Variants in R3HDM4 observed in about 807,000 individuals in gnomAD.
R3HDM4 encodes R3H domain containing 4, also known as R3H domain-containing protein 4.
Under a neutral mutation model 31.3 loss-of-function variants are expected in R3HDM4, and 30 were observed. The ratio of observed to expected loss-of-function variants is 0.96; its 90% CI spans 0.72 to 1.30. R3HDM4 has a LOEUF of 1.30. Among genes scored for constraint, R3HDM4 ranks in the 50% most tolerant of loss-of-function variants. The pLI, the probability that R3HDM4 is intolerant of heterozygous loss-of-function variation, is 0.00. For missense variants in R3HDM4, 444 were observed against 366.1 expected, an observed-to-expected ratio of 1.21 and a Z score of -1.74; for synonymous variants, 196 against 156.6, an observed-to-expected ratio of 1.25 and a Z score of -1.88.
In R3HDM4 at chr19:901,559, A is replaced by C. The variant is rs2094350124; in HGVS notation, c.227-13T>G. 2 of 1,596,588 alleles carry C rather than the reference A, an allele frequency of 1.3e-6. No homozygotes were observed. Among genetic ancestry groups the C allele is most frequent in the Admixed American group, 1.7e-5 (1 of 59,858 alleles). The stretch of plus-strand genomic sequence containing the variant: ...AGGAGGTACTGGGCTAGGTGGAAAC[A>C]GATGCTCTCTGGGCCGGGGTGGCAT... On this transcript the variant is annotated splice_polypyrimidine_tract_variant and intron_variant, in intron 2 of 7. Transcript: ENST00000361574.
chr19:904,320 C>T (rs922569922), intron 1 of R3HDM4, among the ~76,000 whole-genome samples: 1 of 152,174 alleles, frequency 6.6e-6, no homozygotes, highest in Non-Finnish European at 1.5e-5. Context: ...CCCCCACCGC[C>T]GGCACTCACA....
At chr19:905,520 A>AAC (rs1437552623) in intron 1 of R3HDM4, among the ~76,000 whole-genome samples, 2 of 147,500 alleles carry the variant, frequency 1.4e-5, no homozygotes, top group African/African-American at 5.2e-5. Context: ...AAAAAAAAAA[A>AAC]AACAAAACAA....
chr19:910,670 C>T (rs539015985), intron 1 of R3HDM4, among the ~76,000 whole-genome samples: 25 of 152,218 alleles, frequency 1.6e-4, no homozygotes, highest in Non-Finnish European at 3.1e-4. Context: ...TAGACCGAGA[C>T]TCTGTCTCCA....
rs1053112407 is a variant in R3HDM4, at chr19:899,335, A to C, written c.703+105T>G. 2.0e-5 allele frequency: 22 copies of C among 1,075,304 alleles called. No individual in the cohort carries two copies. The highest frequency in any genetic ancestry group is 2.1e-5 in the Non-Finnish European group (15 of 719,330). The allele number at this position is 1,075,304 out of a possible 1,614,324, so 66.6% of individuals were successfully genotyped here. A position where few individuals can be genotyped will look rare whatever the true frequency, so the allele number is the denominator to read the frequency against. On this transcript the variant is annotated intron_variant, in intron 7 of 7. Transcript: ENST00000361574. This position sits in a 1 kb window ranked among gnomAD's most constrained non-coding sequence, Gnocchi z 6.8. ...CGTCCCCACTCCAGCCCCCTTCCCC[A>C]CCTCCCCACCAAGCCCCACTCTGAG...
Position 897,253 on chromosome 19 carries a change from C to T in R3HDM4, c.*184G>A, listed in dbSNP as rs904411072. The T allele has an allele frequency of 5.3e-5, 29 of 542,996 alleles. No individual in the cohort carries two copies. The East Asian group carries it at 7.3e-4, about 14-fold the overall frequency. The allele number at this position is 542,996 out of a possible 1,614,324, so 33.6% of individuals were successfully genotyped here. A position where few individuals can be genotyped will look rare whatever the true frequency, so the allele number is the denominator to read the frequency against. Reference sequence around the variant, plus strand: ...TTGGAGCTGGGATGGCATGGGCAGCCCCAGCCGCCAGCGTCTGTTGACTGC... The same window carrying T: ...TTGGAGCTGGGATGGCATGGGCAGCTCCAGCCGCCAGCGTCTGTTGACTGC... On this transcript the variant is annotated 3_prime_UTR_variant, in exon 8 of 8. Coordinates refer to ENST00000361574, the MANE Select transcript of R3HDM4 (RefSeq NM_138774.4).
Position 897,375 on chromosome 19 carries a change from C to A in R3HDM4, c.*62G>T. ...CTAAAAATATGAAAGATATTTTAGC[C>A]GAAGGTATCGGAGGGCTTGATGGCT... On this transcript the variant is annotated 3_prime_UTR_variant, in exon 8 of 8. Transcript: ENST00000361574. 2 of 1,224,158 alleles carry A rather than the reference C, an allele frequency of 1.6e-6. No homozygotes were observed. Among genetic ancestry groups the A allele is most frequent in the Non-Finnish European group, 2.3e-6 (2 of 878,782 alleles). The allele number at this position is 1,224,158 out of a possible 1,614,324, so 75.8% of individuals were successfully genotyped here.
At position 899,381 on chromosome 19, in the gene R3HDM4, T is replaced by C. The variant is rs1599356220; in HGVS notation, c.703+59A>G. ...CTGAGGAACCAGGCCCCTGGGACCC[T>C]GGCCACTTTCCCAGGTTGAGCTGGC... is the stretch of plus-strand genomic sequence containing the variant. On this transcript the variant is annotated intron_variant, in intron 7 of 7. Transcript: ENST00000361574. This position sits in a 1 kb window ranked among gnomAD's most constrained non-coding sequence, Gnocchi z 6.8. The C allele has an allele frequency of 7.3e-7, 1 of 1,372,932 alleles. No homozygotes were observed. The highest frequency in any genetic ancestry group is 9.9e-7 in the Non-Finnish European group (1 of 1,008,814). The allele number at this position is 1,372,932 out of a possible 1,614,324, so 85.0% of individuals were successfully genotyped here.
In R3HDM4 at chr19:897,416, G is replaced by A. The variant is rs371083461; in HGVS notation, c.*21C>T. The A allele has an allele frequency of 2.1e-4, 330 of 1,543,970 alleles. 1 individual carries two copies. The highest frequency in any genetic ancestry group is 2.6e-4 in the South Asian group (22 of 84,920). On this transcript the variant is annotated 3_prime_UTR_variant, in exon 8 of 8. Transcript: ENST00000361574. ...CTTGATGGCTGGGCGAGGTGGCAGCGGGGTCTCCGCGGGGCCGCCATCAGC... is the reference window on the plus strand; with the variant it reads ...CTTGATGGCTGGGCGAGGTGGCAGCAGGGTCTCCGCGGGGCCGCCATCAGC...
chr19:902,442 A>G (rs962466356), intron 1 of R3HDM4: 2 of 216,152 alleles, frequency 9.3e-6, no homozygotes, highest in African/African-American at 4.6e-5. Context: ...AGACTATGAA[A>G]AAAAAAAAAG....
At position 897,388 on chromosome 19, in the gene R3HDM4, G is replaced by A. The variant is rs370756389; in HGVS notation, c.*49C>T. On this transcript the variant is annotated 3_prime_UTR_variant, in exon 8 of 8. Transcript: ENST00000361574. Reference sequence around the variant, plus strand: ...AGATATTTTAGCCGAAGGTATCGGAGGGCTTGATGGCTGGGCGAGGTGGCA... The same window carrying A: ...AGATATTTTAGCCGAAGGTATCGGAAGGCTTGATGGCTGGGCGAGGTGGCA... The A allele has an allele frequency of 1.5e-6, 2 of 1,367,820 alleles. No individual in the cohort carries two copies. The highest frequency in any genetic ancestry group is 1.5e-5 in the African/African-American group (1 of 68,640). 84.7% of individuals were successfully genotyped at this position (1,367,820 alleles called of 1,614,324 possible).
chr19:901,768 G>GGCCCCCCCC, intron 2 of R3HDM4: 1 of 727,294 alleles, frequency 1.4e-6, no homozygotes, highest in Non-Finnish European at 2.2e-6. Context: ...TGCCCGGGGC[G>GGCCCCCCCC]CCCTCCCACC....
intron 7 of R3HDM4, among the ~76,000 whole-genome samples, chr19:898,968 C>G (rs2930884): frequency 3.3e-5 from 5 of 152,106 alleles, no homozygotes; most frequent in Non-Finnish European, 5.9e-5. Flanking sequence ...CCTGCACAGA[C>G]GTTCACTACG....
Position 899,752 on chromosome 19 carries a change from G to T in R3HDM4, c.562-66C>A, listed in dbSNP as rs1409111719. The T allele has an allele frequency of 2.3e-6, 3 of 1,319,718 alleles. No homozygotes were observed. Among genetic ancestry groups the T allele is most frequent in the Non-Finnish European group, 3.1e-6 (3 of 975,844 alleles). 81.8% of individuals were successfully genotyped at this position (1,319,718 alleles called of 1,614,324 possible). On this transcript the variant is annotated intron_variant, in intron 5 of 7. Coordinates refer to ENST00000361574, the MANE Select transcript of R3HDM4 (RefSeq NM_138774.4). This position sits in a 1 kb window ranked among gnomAD's most constrained non-coding sequence, Gnocchi z 6.8. The stretch of plus-strand genomic sequence containing the variant: ...GTGGGTGGGGGGCCAGGGAGGTCCA[G>T]GGCCCCCAGGAGCCCACAGCGCTGG...
At chr19:902,717 C>T (rs574621610) in intron 1 of R3HDM4, 1 of 152,676 alleles carries the variant, frequency 6.5e-6, no homozygotes, top group African/African-American at 2.4e-5. Context: ...GTGGGTGGAT[C>T]ACTTGAGGTC....
chr19:910,235 G>A (rs762268352), intron 1 of R3HDM4, among the ~76,000 whole-genome samples: 4 of 151,966 alleles, frequency 2.6e-5, no homozygotes, highest in Non-Finnish European at 4.4e-5. Flanking sequence ...TGAGGGAGGA[G>A]AATCGCTTGA....
intron 1 of R3HDM4, among the ~76,000 whole-genome samples, chr19:902,866 C>T (rs561743565): frequency 2.0e-5 from 3 of 151,520 alleles, no homozygotes; most frequent in East Asian, 2.0e-4. Context: ...CGCTTGAACC[C>T]GGGAGGCAGA....
intron 7 of R3HDM4, among the ~76,000 whole-genome samples, chr19:898,635 A>G (rs535477735): frequency 3.4e-4 from 51 of 150,330 alleles, no homozygotes; most frequent in Non-Finnish European, 6.7e-4. Flanking sequence ...AAAAAAAAAG[A>G]GCCACGTCCC....
intron 7 of R3HDM4, among the ~76,000 whole-genome samples, chr19:897,758 C>G (rs2036759832): frequency 6.6e-6 from 1 of 152,236 alleles, no homozygotes; most frequent in African/African-American, 2.4e-5. Context: ...TCCTCGGGCC[C>G]ATCTCACTCC....
Position 907,332 on chromosome 19 carries a change from A to G in R3HDM4, c.72-5202T>C, listed in dbSNP as rs2036919176. Among the ~76,000 whole-genome samples, 1 of 151,944 alleles carries G rather than the reference A, an allele frequency of 6.6e-6. No individual in the cohort carries two copies. The highest frequency in any genetic ancestry group is 2.4e-5 in the African/African-American group (1 of 41,354). On this transcript the variant is annotated intron_variant, in intron 1 of 7. Coordinates refer to ENST00000361574, the MANE Select transcript of R3HDM4 (RefSeq NM_138774.4). The surrounding 1 kb of genome is among the most constrained non-coding windows in gnomAD (Gnocchi z 4.1). ...CCCTGAGGCCGGAGCACTCTGTCCC[A>G]TGCCCCAGATTCACCCACAGCCCCC...
Sources: allele counts gnomAD v4.1 joint callset (sites outside exome capture counted in the v4.1 genomes callset), GRCh38; gene constraint gnomAD v4.1.1; non-coding constraint Gnocchi (gnomAD v3.1); transcripts MANE v1.5; gene names NCBI Gene and HGNC (gene_info 2026-07-23, HGNC 2026-07-21).